The following RANBP17 variants were observed in gnomAD, a reference collection of about 807,000 sequenced individuals.
RANBP17 encodes ran-binding protein 17.
RANBP17 carries 158 observed loss-of-function variants against 141.2 expected under a neutral mutation model. That is an observed-to-expected ratio of 1.12 (90% CI 0.98 to 1.28). RANBP17 has a LOEUF of 1.28. Among genes scored for constraint, RANBP17 ranks in the 50% most tolerant of loss-of-function variants. The pLI is 0.00. For missense variants in RANBP17, 1,438 were observed against 1,290.7 expected, an observed-to-expected ratio of 1.11 and a Z score of -1.75; for synonymous variants, 430 against 450.0, an observed-to-expected ratio of 0.96 and a Z score of 0.56.
chr5:171,229,877 C>T (rs1478246827), intron 22 of RANBP17, among the ~76,000 whole-genome samples: 1 of 150,928 alleles, frequency 6.6e-6, no homozygotes, highest in Non-Finnish European at 1.5e-5. Context: ...ACCAGCCTGA[C>T]CAACATGGAG....
rs149810388 is a variant in RANBP17, at chr5:171,129,314, G to T, written c.1711-40816G>T. On this transcript the variant is annotated intron_variant, in intron 14 of 27. Coordinates refer to ENST00000523189, the MANE Select transcript of RANBP17 (RefSeq NM_022897.5). ...ATAGCAATTCTTTTACCACACATTT[G>T]TTGCAAAAATGCAATCTGTTTCTAC... Among the ~76,000 whole-genome samples the T allele has an allele frequency of 1.9e-3, 284 of 152,184 alleles. 1 individual carries two copies. Among genetic ancestry groups the T allele is most frequent in the African/African-American group, 6.0e-3 (251 of 41,510 alleles).
At chr5:170,919,697 C>T in intron 11 of RANBP17, 84 bp downstream of exon 11, 1 of 1,046,542 alleles carries the variant, frequency 9.6e-7, no homozygotes, top group Admixed American at 2.6e-5. Context: ...TAAAATTCAC[C>T]CCTTTTAGCG....
intron 14 of RANBP17, among the ~76,000 whole-genome samples, chr5:171,017,852 G>C (rs1780558410): frequency 6.6e-6 from 1 of 151,904 alleles, no homozygotes; most frequent in African/African-American, 2.4e-5. Flanking sequence ...GAATGGTGTT[G>C]GTTAGGTTTT....
At chr5:171,207,165 C>A (rs922050365) in intron 20 of RANBP17, 4 of 158,616 alleles carry the variant, frequency 2.5e-5, no homozygotes, top group African/African-American at 9.6e-5. Context: ...ACATAAAGAG[C>A]AACTCTCAAA....
At chr5:171,125,495 A>G (rs1437870056) in intron 14 of RANBP17, among the ~76,000 whole-genome samples, 1 of 152,148 alleles carries the variant, frequency 6.6e-6, no homozygotes, top group Admixed American at 6.6e-5. Flanking sequence ...TATGCACTCA[A>G]CAGTGGAGCA....
intron 12 of RANBP17, among the ~76,000 whole-genome samples, chr5:170,925,599 G>A (rs10078164): frequency 0.64 from 97,700 of 151,886 alleles, 32,125 homozygotes; most frequent in South Asian, 0.9. Context: ...AGAATAGGTC[G>A]TTTGCCAATA....
chr5:171,298,919 C>A lies in RANBP17; in HGVS notation c.*61C>A. The A allele has an allele frequency of 7.6e-7, 1 of 1,323,488 alleles. No individual in the cohort carries two copies. The highest frequency in any genetic ancestry group is 1.1e-6 in the Non-Finnish European group (1 of 918,646). 82.0% of individuals were successfully genotyped at this position (1,323,488 alleles called of 1,614,324 possible). On this transcript the variant is annotated 3_prime_UTR_variant, in exon 28 of 28. Transcript: ENST00000523189. ...TCAAGAGACTCCTGAAGGTCTGGGT[C>A]TCAGGACAGTGATGTTGGCTAGCCC... is the stretch of plus-strand genomic sequence containing the variant.
intron 12 of RANBP17, among the ~76,000 whole-genome samples, chr5:170,932,508 A>C (rs1310648544): frequency 6.6e-6 from 1 of 152,146 alleles, no homozygotes; most frequent in African/African-American, 2.4e-5. Context: ...GAATGCTACC[A>C]GTTTTTGTCC....
In RANBP17 at chr5:171,065,309, G is replaced by T. The variant is rs146030138; in HGVS notation, c.1710+96932G>T. Among the ~76,000 whole-genome samples the T allele has an allele frequency of 2.5e-3, 384 of 152,104 alleles. 1 individual carries two copies. The highest frequency in any genetic ancestry group is 8.7e-3 in the African/African-American group (359 of 41,482). On this transcript the variant is annotated intron_variant, in intron 14 of 27. Transcript: ENST00000523189. ...ATTTTCCACAGAATGGGGGGGTGGG[G>T]TGAAGGGGACGGTTTTGGCATGAAA...
intron 14 of RANBP17, among the ~76,000 whole-genome samples, chr5:170,978,436 G>A (rs932545044): frequency 2.0e-5 from 3 of 151,976 alleles, no homozygotes; most frequent in African/African-American, 7.3e-5. Flanking sequence ...CAAGAACTGG[G>A]AACAACCCAA....
At chr5:171,192,204 G>C (rs17073397) in intron 18 of RANBP17, among the ~76,000 whole-genome samples, 9,894 of 152,198 alleles carry the variant, frequency 0.065, 433 homozygotes, top group East Asian at 0.12. Flanking sequence ...ACTTGGCAGA[G>C]ATTATCTGAA....
At chr5:171,082,702 A>T (rs56655697) in intron 14 of RANBP17, among the ~76,000 whole-genome samples, 2,699 of 152,272 alleles carry the variant, frequency 0.018, 78 homozygotes, top group African/African-American at 0.062. Context: ...AACCTATTAA[A>T]CAGTTATTGT....
intron 25 of RANBP17, among the ~76,000 whole-genome samples, chr5:171,277,524 C>G (rs763666829): frequency 3.3e-5 from 5 of 149,324 alleles, no homozygotes; most frequent in Admixed American, 6.7e-5. Flanking sequence ...GAAGGAAAAC[C>G]TCAGGCTCGA....
intron 12 of RANBP17, among the ~76,000 whole-genome samples, chr5:170,952,157 A>G (rs1393929988): frequency 6.6e-6 from 1 of 152,022 alleles, no homozygotes; most frequent in Non-Finnish European, 1.5e-5. Flanking sequence ...AGCTTCTATG[A>G]TAGACTTTTA....
At chr5:171,087,530 T>C (rs1372968923) in intron 14 of RANBP17, among the ~76,000 whole-genome samples, 1 of 152,118 alleles carries the variant, frequency 6.6e-6, no homozygotes, top group Admixed American at 6.5e-5. Flanking sequence ...GTTGACTTTC[T>C]GTCTTGTTGA....
At chr5:171,020,630 A>C (rs1181547131) in intron 14 of RANBP17, among the ~76,000 whole-genome samples, 1 of 150,770 alleles carries the variant, frequency 6.6e-6, no homozygotes, top group Admixed American at 6.6e-5. Context: ...TTGCTTGGTA[A>C]ATTTTCCTCC....
At chr5:170,964,930 G>A (rs1250191715) in intron 13 of RANBP17, among the ~76,000 whole-genome samples, 1 of 152,130 alleles carries the variant, frequency 6.6e-6, no homozygotes, top group African/African-American at 2.4e-5. Context: ...GGATGGCTGG[G>A]TCAAATGGTA....
At chr5:171,028,414 G>A (rs1158779275) in intron 14 of RANBP17, among the ~76,000 whole-genome samples, 1 of 152,054 alleles carries the variant, frequency 6.6e-6, no homozygotes, top group Non-Finnish European at 1.5e-5. Context: ...TGTTTGGAAT[G>A]CCAGATAAGT....
intron 14 of RANBP17, among the ~76,000 whole-genome samples, chr5:171,060,413 G>C (rs1175925080): frequency 1.3e-5 from 2 of 152,000 alleles, no homozygotes; most frequent in Admixed American, 1.3e-4. Flanking sequence ...TGCATCTATT[G>C]AGATAATCAT....
Sources: allele counts gnomAD v4.1 joint callset (sites outside exome capture counted in the v4.1 genomes callset), GRCh38; gene constraint gnomAD v4.1.1; transcripts MANE v1.5; gene names NCBI Gene and HGNC (gene_info 2026-07-23, HGNC 2026-07-21).